GRIK2: variants seen among roughly 807,000 people sequenced by gnomAD.
GRIK2 encodes glutamate ionotropic receptor kainate type subunit 2.
GRIK2 carries 32 observed loss-of-function variants against 100.3 expected under a neutral mutation model. The observed-to-expected ratio is 0.32, with a 90% CI of 0.24 to 0.43. The LOEUF is 0.43. Ranked by LOEUF, GRIK2 falls within the 20% of genes least tolerant of loss-of-function variation. The pLI is 1.00. For synonymous variants in GRIK2, 417 were observed against 389.4 expected (o/e 1.07, Z -0.83); for missense variants, 843 against 1,114.9 (o/e 0.76, Z 3.47).
intron 12 of GRIK2, among the ~76,000 whole-genome samples, chr6:101,922,795 G>A (rs538405062): frequency 2.0e-5 from 3 of 152,214 alleles, no homozygotes; most frequent in East Asian, 1.9e-4. Context: ...AGCAATCAAT[G>A]TTTTAGATAG....
At chr6:101,836,182 A>G (rs1415000943) in intron 10 of GRIK2, among the ~76,000 whole-genome samples, 1 of 151,982 alleles carries the variant, frequency 6.6e-6, no homozygotes, top group East Asian at 1.9e-4. Flanking sequence ...CCTATGAACA[A>G]TTTCAAGATT....
intron 12 of GRIK2, among the ~76,000 whole-genome samples, chr6:101,918,987 A>G (rs975580041): frequency 6.6e-6 from 1 of 151,810 alleles, no homozygotes; most frequent in African/African-American, 2.4e-5. Flanking sequence ...AGTTGGGTGA[A>G]TTAACTGAAG....
At chr6:101,655,435 T>A (rs965767667) in intron 4 of GRIK2, among the ~76,000 whole-genome samples, 2 of 152,112 alleles carry the variant, frequency 1.3e-5, no homozygotes, top group African/African-American at 4.8e-5. Context: ...TAAGAACAAT[T>A]ACTCACAAGA....
chr6:101,759,030 T>C (rs1253612195), intron 7 of GRIK2, among the ~76,000 whole-genome samples: 1 of 152,202 alleles, frequency 6.6e-6, no homozygotes, highest in Non-Finnish European at 1.5e-5. Context: ...TTTTGTAATA[T>C]TCATTTAAAG....
chr6:101,717,577 T>C (rs796165259), intron 7 of GRIK2, among the ~76,000 whole-genome samples: 39 of 151,992 alleles, frequency 2.6e-4, no homozygotes, highest in African/African-American at 9.4e-4. Flanking sequence ...TTTGCCATTA[T>C]ATATATTTAG....
chr6:101,890,311 G>A (rs2065860957), intron 12 of GRIK2: 1 of 153,920 alleles, frequency 6.5e-6, no homozygotes, highest in Non-Finnish European at 1.4e-5. Flanking sequence ...ACTATAAAAG[G>A]ACTACCTTAG....
intron 7 of GRIK2, among the ~76,000 whole-genome samples, chr6:101,720,444 TTCA>T (rs1476246219): frequency 6.6e-5 from 10 of 152,172 alleles, no homozygotes; most frequent in African/African-American, 2.4e-4. Context: ...TTCTTAAATA[TTCA>T]TCAAACAGAA....
At chr6:101,626,982 G>A (rs1780471564) in intron 4 of GRIK2, among the ~76,000 whole-genome samples, 1 of 151,612 alleles carries the variant, frequency 6.6e-6, no homozygotes, top group African/African-American at 2.4e-5. Context: ...ACACACATAT[G>A]TATATATATA....
chr6:101,816,955 T>G (rs545620651), intron 9 of GRIK2, among the ~76,000 whole-genome samples: 1 of 152,232 alleles, frequency 6.6e-6, no homozygotes, highest in East Asian at 1.9e-4. Flanking sequence ...TTTGTGAGAT[T>G]TAAAAATTGC....
In GRIK2 at chr6:101,621,179, C is replaced by T. The variant is rs577039092; in HGVS notation, c.116-770C>T. 1.9e-4 allele frequency among the ~76,000 whole-genome samples: 29 copies of T among 152,224 alleles called. No homozygotes were observed. The South Asian group carries it at 3.7e-3, about 20-fold the overall frequency. On this transcript the variant is annotated intron_variant, in intron 2 of 16. Transcript: ENST00000369134. ...TTGGGCTTTTAACACAATAAATGCA[C>T]GGTGGCTCACTCCTGTAAATCCCAA...
At chr6:101,501,587 C>A (rs930791659) in intron 2 of GRIK2, among the ~76,000 whole-genome samples, 6 of 152,128 alleles carry the variant, frequency 3.9e-5, no homozygotes, top group Admixed American at 3.9e-4. Context: ...GAGGCAATTA[C>A]CAGTCAACAT....
rs543307200 is a variant in GRIK2, at chr6:101,846,965, TTCTC to T, written c.1318-12318_1318-12315del. Among the ~76,000 whole-genome samples the T allele has an allele frequency of 1.5e-3, 224 of 152,050 alleles. 1 individual carries two copies. The highest frequency in any genetic ancestry group is 5.1e-3 in the African/African-American group (211 of 41,508). ...AATAATCAAATTTTGGTTCCATTGC[TTCTC>T]TCTATTTTTTTTTTCTGTTCTCTCT... On this transcript the variant is annotated intron_variant, in intron 10 of 16. Coordinates refer to ENST00000369134, the MANE Select transcript of GRIK2 (RefSeq NM_021956.5).
chr6:101,915,436 A>G (rs1562485019), intron 12 of GRIK2, among the ~76,000 whole-genome samples: 1 of 151,556 alleles, frequency 6.6e-6, no homozygotes, highest in Non-Finnish European at 1.5e-5. Flanking sequence ...GTGAAGTGGT[A>G]CTTGCTGAAT....
chr6:101,715,973 G>A (rs1436572435), intron 7 of GRIK2, among the ~76,000 whole-genome samples: 11 of 151,742 alleles, frequency 7.2e-5, no homozygotes. Flanking sequence ...TGGAAATGCT[G>A]AAAGAAATCT....
At chr6:101,791,132 A>AT (rs1779822995) in intron 7 of GRIK2, among the ~76,000 whole-genome samples, 1 of 151,880 alleles carries the variant, frequency 6.6e-6, no homozygotes, top group South Asian at 2.1e-4. Flanking sequence ...CAGTCTATCA[A>AT]TTTTGTTGAT....
chr6:101,592,615 A>ATATATATATATATATATATG lies in GRIK2; in HGVS notation c.116-29325_116-29324insATATATATATGTATATATAT, dbSNP rs887154272. On this transcript the variant is annotated intron_variant, in intron 2 of 16. Transcript: ENST00000369134. The stretch of plus-strand genomic sequence containing the variant: ...TATATATATATATATATATATATAT[A>ATATATATATATATATATATG]TATATATATTGCTTTTTCACAGACA... Among the ~76,000 whole-genome samples, 147 of 127,760 alleles carry ATATATATATATATATATATG rather than the reference A, an allele frequency of 1.2e-3. 1 individual carries two copies. Among genetic ancestry groups the ATATATATATATATATATATG allele is most frequent in the African/African-American group, 4.7e-3 (143 of 30,246 alleles). 83.8% of individuals were successfully genotyped at this position (127,760 alleles called of 152,430 possible).
At chr6:101,560,239 C>G (rs965144519) in intron 2 of GRIK2, among the ~76,000 whole-genome samples, 1 of 151,984 alleles carries the variant, frequency 6.6e-6, no homozygotes, top group Non-Finnish European at 1.5e-5. Flanking sequence ...GTTTATTTTC[C>G]TTTACTAGTC....
chr6:102,034,774 C>T, intron 14 of GRIK2, among the ~76,000 whole-genome samples: 1 of 151,322 alleles, frequency 6.6e-6, no homozygotes, highest in Non-Finnish European at 1.5e-5. Flanking sequence ...GAAATGTAGA[C>T]ATCTTTATTT....
chr6:101,742,934 G>A (rs903834343), intron 7 of GRIK2, among the ~76,000 whole-genome samples: 5 of 152,194 alleles, frequency 3.3e-5, no homozygotes, highest in South Asian at 2.1e-4. Context: ...GGCTGAGGAC[G>A]AAGTCCATTC....
Sources: gnomAD v4.1 joint callset for allele counts (sites outside exome capture counted in the v4.1 genomes callset) on GRCh38, gnomAD v4.1.1 for gene constraint, MANE v1.5 for transcripts, NCBI Gene and HGNC (gene_info 2026-07-23, HGNC 2026-07-21) for gene names.